Variants in MYO7B observed in about 807,000 individuals in gnomAD.
MYO7B encodes the protein myosin VIIB.
A neutral mutation model predicts 259.7 loss-of-function variants in MYO7B; 212 were observed. The ratio of observed to expected loss-of-function variants is 0.82; its 90% CI spans 0.73 to 0.91. The LOEUF is 0.91. Among genes scored for constraint, MYO7B ranks in the 40% least tolerant of loss-of-function variants. MYO7B has a pLI of 0.00. For missense variants in MYO7B, 2,732 were observed against 2,813.5 expected (o/e 0.97, Z 0.66); for synonymous variants, 1,197 against 1,166.4 (o/e 1.03, Z -0.54).
At chr2:127,606,404 T>G (rs1680158055) in intron 20 of MYO7B, among the ~76,000 whole-genome samples, 1 of 152,234 alleles carries the variant, frequency 6.6e-6, no homozygotes, top group African/African-American at 2.4e-5. Flanking sequence ...CGGATGTGAC[T>G]GGTTATGACA....
intron 18 of MYO7B, among the ~76,000 whole-genome samples, chr2:127,596,186 C>T (rs1333770984): frequency 6.6e-6 from 1 of 152,136 alleles, no homozygotes; most frequent in Non-Finnish European, 1.5e-5. Flanking sequence ...AAATTTTGTG[C>T]CCCCTCTTGA....
chr2:127,554,628 A>G (rs1015056958), intron 1 of MYO7B, among the ~76,000 whole-genome samples: 2 of 152,114 alleles, frequency 1.3e-5, no homozygotes, highest in East Asian at 1.9e-4. Flanking sequence ...CTCTTTCTCT[A>G]TGTTGTGGAA....
chr2:127,540,415 C>T (rs1251508851), intron 1 of MYO7B, among the ~76,000 whole-genome samples: 6 of 152,220 alleles, frequency 3.9e-5, no homozygotes, highest in Admixed American at 2.0e-4. Flanking sequence ...CCACCCGCCT[C>T]GGCCTCCCAG....
intron 41 of MYO7B, 130 bp from the exon 42 acceptor site, chr2:127,634,466 A>C: frequency 1.1e-6 from 1 of 909,314 alleles, no homozygotes; most frequent in Non-Finnish European, 1.7e-6. Flanking sequence ...CCACACGCCA[A>C]TAGCCCACGC....
intron 42 of MYO7B, 149 bp downstream of exon 42, chr2:127,634,832 C>A (rs987094666): frequency 6.6e-6 from 5 of 760,256 alleles, no homozygotes; most frequent in Non-Finnish European, 2.2e-6. Context: ...TGGGGCCCGG[C>A]GGTGAGGGCC....
rs1383428537 is a variant in MYO7B at position 127,590,089 on chromosome 2, C to T, written c.1855-3C>T. 6.4e-7 allele frequency: 1 copy of T among 1,571,770 alleles called. No individual in the cohort carries two copies. Reference sequence around the variant, plus strand: ...CACTTGTGCTCTGTGCTTCCATTCACAGTCTGCAGACTCAAATAAACGGCC... The same window carrying T: ...CACTTGTGCTCTGTGCTTCCATTCATAGTCTGCAGACTCAAATAAACGGCC... On this transcript the variant is annotated splice_region_variant and splice_polypyrimidine_tract_variant and intron_variant, in intron 15 of 47. Coordinates refer to ENST00000409816, the MANE Select transcript of MYO7B (RefSeq NM_001393586.1). The surrounding 1 kb of genome is among the most constrained non-coding windows in gnomAD (Gnocchi z 4.6).
Position 127,588,381 on chromosome 2 carries a change from T to A in MYO7B, c.1691-11T>A. 1 of 1,611,956 alleles carries A rather than the reference T, an allele frequency of 6.2e-7. No homozygotes were observed. Among genetic ancestry groups the A allele is most frequent in the Non-Finnish European group, 8.5e-7 (1 of 1,179,432 alleles). ...AAGCTGGGATGCTGGGTGGGCCCTG[T>A]GTCTCCACAGGCTTCCTGGAGAAGA... On this transcript the variant is annotated splice_polypyrimidine_tract_variant and intron_variant, in intron 14 of 47. Transcript: ENST00000409816.
chr2:127,577,656 C>T lies in MYO7B; in HGVS notation c.850-477C>T, dbSNP rs563833678. The stretch of plus-strand genomic sequence containing the variant: ...GGCGGTGGGGCCAGCTCTGCACCTC[C>T]TCCAAGAAGCCTTTCTCCACCTCTC... On this transcript the variant is annotated intron_variant, in intron 8 of 47. Coordinates refer to ENST00000409816, the MANE Select transcript of MYO7B (RefSeq NM_001393586.1). The surrounding 1 kb of genome is among the most constrained non-coding windows in gnomAD (Gnocchi z 5.2). Among the ~76,000 whole-genome samples, 1 of 152,296 alleles carries T rather than the reference C, an allele frequency of 6.6e-6. No homozygotes were observed. The highest frequency in any genetic ancestry group is 1.9e-4 in the East Asian group (1 of 5,170).
chr2:127,565,516 T>A, intron 4 of MYO7B, 131 bp downstream of exon 4: 1 of 1,254,942 alleles, frequency 8.0e-7, no homozygotes, highest in Non-Finnish European at 1.1e-6. Context: ...GCGAGGTGCC[T>A]AACTTTTCCC....
At chr2:127,623,445 G>C in intron 29 of MYO7B, 70 bp downstream of exon 29, 1 of 1,440,354 alleles carries the variant, frequency 6.9e-7, no homozygotes, top group Non-Finnish European at 9.2e-7. Context: ...TGAGGCTCAA[G>C]CCCTCTCACC....
intron 47 of MYO7B, 171 bp from the exon 48 acceptor site, chr2:127,637,145 C>T (rs764276429): frequency 2.2e-6 from 2 of 916,788 alleles, no homozygotes; most frequent in East Asian, 2.6e-5. Flanking sequence ...GGGAGGGAGA[C>T]CCAGCTCCAG....
intron 37 of MYO7B, 39 bp from the exon 38 acceptor site, chr2:127,631,561 G>C: frequency 6.2e-7 from 1 of 1,604,228 alleles, no homozygotes; most frequent in Non-Finnish European, 8.5e-7. Context: ...CTGTGTCAGC[G>C]TGGGGCTGCC....
chr2:127,629,754 C>T lies in MYO7B; in HGVS notation c.4734C>T (p.Gly1578=). The change falls in exon 35 of 48, where the codon GGC becomes GGT. Residue 1578 remains glycine (G), a synonymous_variant. Transcript: ENST00000409816. The part of the protein sequence containing the change: ...NWTLGQNDRT[G]KTGLVPMACL... ...CCCTCGGCCAGAACGACAGGACAGG[C>T]AAGACGGGGCTGGTGCCCATGGCCT... 1 of 1,611,288 alleles carries T rather than the reference C, an allele frequency of 6.2e-7. No individual in the cohort carries two copies. The highest frequency in any genetic ancestry group is 8.5e-7 in the Non-Finnish European group (1 of 1,178,904).
chr2:127,631,498 C>T, intron 37 of MYO7B, 102 bp from the exon 38 acceptor site: 7 of 1,522,552 alleles, frequency 4.6e-6, no homozygotes, highest in Non-Finnish European at 6.2e-6. Context: ...CGGGACAGAG[C>T]CCACACATGG....
chr2:127,581,800 C>A (rs143782859), intron 10 of MYO7B, 91 bp from the exon 11 acceptor site: 2 of 1,562,870 alleles, frequency 1.3e-6, no homozygotes, highest in Non-Finnish European at 8.7e-7. Flanking sequence ...TGCTTGGTCA[C>A]GAGAGGGAAC....
chr2:127,634,241 G>C lies in MYO7B; in HGVS notation c.5577G>C (p.Gln1859His). 1 of 1,597,240 alleles carries C rather than the reference G, an allele frequency of 6.3e-7. No homozygotes were observed. Among genetic ancestry groups the C allele is most frequent in the Non-Finnish European group, 8.5e-7 (1 of 1,175,158 alleles). The part of the protein sequence containing the change: ...DVCDSIATRL[Q>H]LASWEGCSLF... ...GTGACAGCATTGCCACCAGGCTGCA[G>C]CTGGCCTCCTGGGAGGGCTGCAGCC... Residue 1859 changes from glutamine (Q) to histidine (H), a missense_variant, in exon 41 of 48, where the codon CAG becomes CAC. Physicochemically the swap from Gln to His is conservative, Grantham distance 24. Around this residue, in one of 3 missense-constraint regions of MYO7B, gnomAD observed 821 missense variants for 769.3 expected, o/e 1.07. Coordinates refer to ENST00000409816, the MANE Select transcript of MYO7B (RefSeq NM_001393586.1).
rs1681064371 is a variant in MYO7B, at chr2:127,625,508, G to A, written c.4188G>A (p.Ala1396=). 8 of 1,605,992 alleles carry A rather than the reference G, an allele frequency of 5.0e-6. No individual in the cohort carries two copies. Among genetic ancestry groups the A allele is most frequent in the African/African-American group, 1.3e-5 (1 of 74,612 alleles). Residue 1396 remains alanine (A), a synonymous_variant, in exon 31 of 48, where the codon GCG becomes GCA. Coordinates refer to ENST00000409816, the MANE Select transcript of MYO7B (RefSeq NM_001393586.1). ...GGACCAAGCCCCCAGACAGGTGGGC[G>A]AGCCTCGTCACTGCCGCCTGCGCCA... is the stretch of plus-strand genomic sequence containing the variant. The part of the protein sequence containing the change: ...LYRTKPPDRW[A]SLVTAACAKA...
rs188997403 is a variant in MYO7B, at chr2:127,548,659, C to T, written c.-23-11041C>T. Among the ~76,000 whole-genome samples the T allele has an allele frequency of 5.9e-3, 894 of 152,166 alleles. 8 individuals carry two copies. The highest frequency in any genetic ancestry group is 0.02 in the African/African-American group (843 of 41,508). On this transcript the variant is annotated intron_variant, in intron 1 of 47. Transcript: ENST00000409816. The stretch of plus-strand genomic sequence containing the variant: ...TCGAACTCCTGACCTCGTGATCCAC[C>T]CGCCTCGGCCTCCCAAAGTGCTGGG...
rs371739405 is a variant in MYO7B at position 127,608,789 on chromosome 2, G to A, written c.2725G>A (p.Val909Ile). Residue 909 changes from valine to isoleucine, a missense_variant, in exon 22 of 48, where the codon GTC becomes ATC. Val to Ile is a conservative substitution (Grantham distance 29). Transcript: ENST00000409816. The part of the protein sequence containing the change: ...AKKRRSIYDT[V>I]TDTEMVEKVF... ...GAAGCGCAGATCCATCTACGACACC[G>A]TCACTGACACGGAGATGGTGGAGAA... is the stretch of plus-strand genomic sequence containing the variant. 38 of 1,613,364 alleles carry A rather than the reference G, an allele frequency of 2.4e-5. No individual in the cohort carries two copies. The highest frequency in any genetic ancestry group is 1.6e-4 in the Middle Eastern group (1 of 6,084).
Sources: gnomAD v4.1 joint callset for allele counts (sites outside exome capture counted in the v4.1 genomes callset) on GRCh38, gnomAD v4.1.1 for gene constraint, gnomAD v4.1.1 regional missense constraint, Gnocchi (gnomAD v3.1) non-coding constraint, MANE v1.5 for transcripts, NCBI Gene and HGNC (gene_info 2026-07-23, HGNC 2026-07-21) for gene names.